The following ZFYVE1 variants were observed in gnomAD, a reference collection of about 807,000 sequenced individuals.
ZFYVE1 encodes the protein zinc finger FYVE domain-containing protein 1.
ZFYVE1 carries 30 observed loss-of-function variants against 74.4 expected under a neutral mutation model. The observed-to-expected ratio is 0.40, with a 90% CI of 0.30 to 0.55. The LOEUF is 0.55. Ranked by LOEUF, ZFYVE1 falls within the 20% of genes least tolerant of loss-of-function variation. The pLI, the probability that ZFYVE1 is intolerant of heterozygous loss-of-function variation, is 0.42. For synonymous variants in ZFYVE1, 335 were observed against 385.1 expected, an observed-to-expected ratio of 0.87 and a Z score of 1.52; for missense variants, 703 against 1,011.6, an observed-to-expected ratio of 0.69 and a Z score of 4.14.
chr14:73,010,910 T>C (rs890045233), intron 2 of ZFYVE1, among the ~76,000 whole-genome samples: 3 of 151,824 alleles, frequency 2.0e-5, no homozygotes, highest in Non-Finnish European at 4.4e-5. Flanking sequence ...GTGTGTTACG[T>C]GGATACTGCA....
chr14:72,998,024 T>C lies in ZFYVE1; in HGVS notation c.775A>G (p.Ile259Val), dbSNP rs1346555354. 10 of 1,613,930 alleles carry C rather than the reference T, an allele frequency of 6.2e-6. No individual in the cohort carries two copies. In the Middle Eastern group the frequency reaches 6.6e-4, roughly 106 times the overall value. The change falls in exon 3 of 12, where the codon ATC becomes GTC. Residue 259 changes from isoleucine (I) to valine (V), a missense_variant. Physicochemically the swap from Ile to Val is conservative, Grantham distance 29 (BLOSUM62 3). Transcript: ENST00000556143. ...RTRLLLKVLAISDLVIYRTHA... is the reference protein window; with the variant it reads ...RTRLLLKVLAVSDLVIYRTHA... ...GTTCGATAGATGACGAGGTCTGAGA[T>C]GGCCAGGACCTTAAGCAGCAGCCGT...
chr14:72,980,955 A>C (rs554535391), intron 5 of ZFYVE1, among the ~76,000 whole-genome samples: 70 of 152,316 alleles, frequency 4.6e-4, no homozygotes, highest in African/African-American at 1.4e-3. Context: ...CCTGCCCTTC[A>C]GGTTTTTCTG....
chr14:72,997,188 T>G (rs1053975692), intron 3 of ZFYVE1, among the ~76,000 whole-genome samples: 7 of 152,170 alleles, frequency 4.6e-5, no homozygotes, highest in African/African-American at 1.7e-4. Context: ...ATCTACATTC[T>G]TCCCTCTCTA....
Position 72,992,626 on chromosome 14 carries a change from C to CG in ZFYVE1, c.1203+516_1203+517insC, listed in dbSNP as rs1456378680. 7.3e-5 allele frequency among the ~76,000 whole-genome samples: 8 copies of CG among 108,922 alleles called. 1 individual carries two copies. Among genetic ancestry groups the CG allele is most frequent in the Non-Finnish European group, 1.4e-4 (7 of 49,074 alleles). 71.5% of individuals were successfully genotyped at this position (108,922 alleles called of 152,430 possible). On this transcript the variant is annotated intron_variant, in intron 4 of 11. Coordinates refer to ENST00000556143, the MANE Select transcript of ZFYVE1 (RefSeq NM_021260.4). ...GGTCCCATTCAGGTGCCCCCCCCGC[C>CG]CCTTGCAAGAGAGAGAGAGCTGTTC...
At chr14:72,999,554 C>A (rs1192281788) in intron 2 of ZFYVE1, among the ~76,000 whole-genome samples, 2 of 149,082 alleles carry the variant, frequency 1.3e-5, no homozygotes, top group Admixed American at 6.7e-5. Flanking sequence ...GACTGGATGA[C>A]AAAGTAAGAC....
chr14:72,985,318 A>G (rs1054617790), intron 4 of ZFYVE1, among the ~76,000 whole-genome samples: 3 of 140,606 alleles, frequency 2.1e-5, no homozygotes, highest in Non-Finnish European at 4.6e-5. Flanking sequence ...ACCATGCCCC[A>G]ATAATTTTTG....
intron 2 of ZFYVE1, among the ~76,000 whole-genome samples, chr14:73,023,348 TAATA>T (rs1894378579): frequency 1.4e-5 from 1 of 71,610 alleles, no homozygotes; most frequent in East Asian, 2.7e-4. Context: ...GTTTTATATA[TAATA>T]TATATTATAT....
rs573758988 is a variant in ZFYVE1, at chr14:73,010,453, T to A, written c.484-12138A>T. Among the ~76,000 whole-genome samples, 576 of 152,106 alleles carry A rather than the reference T, an allele frequency of 3.8e-3. 3 individuals carry two copies. The highest frequency in any genetic ancestry group is 5.7e-3 in the Non-Finnish European group (389 of 67,992). The stretch of plus-strand genomic sequence containing the variant: ...CCCTTCTCTACTAAAAATACAAAAT[T>A]AGCTGGCTGTGGTGGCACATGCTTG... On this transcript the variant is annotated intron_variant, in intron 2 of 11. Coordinates refer to ENST00000556143, the MANE Select transcript of ZFYVE1 (RefSeq NM_021260.4).
Position 72,978,210 on chromosome 14 carries a change from C to A in ZFYVE1, c.1444G>T (p.Val482Phe). Residue 482 changes from valine (V) to phenylalanine (F), a missense_variant, in exon 7 of 12, where the codon GTC becomes TTC. By Grantham distance (50) the Val-to-Phe change is conservative. Transcript: ENST00000556143. The stretch of plus-strand genomic sequence containing the variant: ...GCAGATGTTTTGGGCACTACACTGA[C>A]TTCCTCGCCTCTCTCATAGCAGGCC... ...CKACYERGEEVSVVPKTSAST... is the reference protein window; with the variant it reads ...CKACYERGEEFSVVPKTSAST... The A allele has an allele frequency of 6.2e-7, 1 of 1,614,058 alleles. No individual in the cohort carries two copies. Among genetic ancestry groups the A allele is most frequent in the Non-Finnish European group, 8.5e-7 (1 of 1,179,936 alleles).
chr14:72,975,561 G>A lies in ZFYVE1; in HGVS notation c.1796C>T (p.Ser599Phe). Residue 599 changes from serine to phenylalanine, a missense_variant, in exon 9 of 12, where the codon TCC becomes TTC. Physicochemically the swap from Ser to Phe is radical, Grantham distance 155. Transcript: ENST00000556143. The surrounding 1 kb of genome is among the most constrained non-coding windows in gnomAD (Gnocchi z 4.1). ...CCTGGCACACCATACCAGAATCTGG[G>A]AGTTGGGCCTCCAGTAGGCAGGGGC... ...QIAPAYWRPN[S>F]QILSCNKCAT... The A allele has an allele frequency of 6.2e-7, 1 of 1,612,566 alleles. No homozygotes were observed. The highest frequency in any genetic ancestry group is 2.2e-5 in the East Asian group (1 of 44,866).
At chr14:72,999,279 T>C (rs928556302) in intron 2 of ZFYVE1, among the ~76,000 whole-genome samples, 3 of 151,932 alleles carry the variant, frequency 2.0e-5, no homozygotes, top group African/African-American at 7.3e-5. Context: ...AATACAAAAT[T>C]AGCTGGGCAT....
rs369521657 is a variant in ZFYVE1 at position 72,980,544 on chromosome 14, T to A, written c.1310+1245A>T. Reference sequence around the variant, plus strand: ...TCACCTGAGAATTAATTAATTTATTTATTTATTTATTTATTTATTTATTTA... The same window carrying A: ...TCACCTGAGAATTAATTAATTTATTAATTTATTTATTTATTTATTTATTTA... On this transcript the variant is annotated intron_variant, in intron 5 of 11. Coordinates refer to ENST00000556143, the MANE Select transcript of ZFYVE1 (RefSeq NM_021260.4). Among the ~76,000 whole-genome samples the A allele has an allele frequency of 5.9e-3, 582 of 99,080 alleles. 4 individuals carry two copies. Among genetic ancestry groups the A allele is most frequent in the African/African-American group, 0.01 (347 of 34,014 alleles). The allele number at this position is 99,080 out of a possible 152,430, so 65.0% of individuals were successfully genotyped here.
intron 2 of ZFYVE1, among the ~76,000 whole-genome samples, chr14:73,008,841 C>G (rs1189085903): frequency 6.6e-6 from 1 of 152,196 alleles, no homozygotes; most frequent in Non-Finnish European, 1.5e-5. Flanking sequence ...AAGGACTTAA[C>G]AGTAAAAGCT....
intron 2 of ZFYVE1, among the ~76,000 whole-genome samples, chr14:73,011,227 G>C (rs1409757615): frequency 6.6e-6 from 1 of 151,360 alleles, no homozygotes; most frequent in Non-Finnish European, 1.5e-5. Context: ...GCTCACACCT[G>C]TAATCCCAGC....
chr14:72,971,153 A>G lies in ZFYVE1; in HGVS notation c.2102-39T>C, dbSNP rs558917835. 59 of 1,608,538 alleles carry G rather than the reference A, an allele frequency of 3.7e-5. No homozygotes were observed. In the South Asian group the frequency reaches 5.8e-4, roughly 16 times the overall value. On this transcript the variant is annotated intron_variant, in intron 11 of 11. Transcript: ENST00000556143. Reference sequence around the variant, plus strand: ...CAATGGTCAGGGCACCCAAAGCCCAATACCCCGAGGCCCAACTAGCAAGAG... The same window carrying G: ...CAATGGTCAGGGCACCCAAAGCCCAGTACCCCGAGGCCCAACTAGCAAGAG...
intron 11 of ZFYVE1, among the ~76,000 whole-genome samples, chr14:72,973,421 G>A (rs536367880): frequency 2.0e-5 from 3 of 152,132 alleles, no homozygotes; most frequent in Non-Finnish European, 2.9e-5. Flanking sequence ...CCTGGAAGGC[G>A]GAGGTTGCAG....
intron 2 of ZFYVE1, among the ~76,000 whole-genome samples, chr14:73,015,139 G>A (rs917679731): frequency 6.6e-6 from 1 of 150,550 alleles, no homozygotes; most frequent in Non-Finnish European, 1.5e-5. Flanking sequence ...GCTGAGGCAG[G>A]AGAATTGCAC....
Position 72,978,180 on chromosome 14 carries a change from T to G in ZFYVE1, c.1474A>C (p.Thr492Pro). ...GCGAGACCCATCCAGGGGGAGTCAG[T>G]GGAAGCAGATGTTTTGGGCACTACA... Reference protein sequence around the residue: ...VSVVPKTSASTDSPWMGLAKY... With the variant: ...VSVVPKTSASPDSPWMGLAKY... The change falls in exon 7 of 12, where the codon ACT (threonine) becomes CCT (proline). Residue 492 changes from threonine (T) to proline (P), a missense_variant. Transcript: ENST00000556143. 6.2e-7 allele frequency: 1 copy of G among 1,614,186 alleles called. No homozygotes were observed. Among genetic ancestry groups the G allele is most frequent in the Non-Finnish European group, 8.5e-7 (1 of 1,180,032 alleles).
intron 4 of ZFYVE1, chr14:72,986,812 G>A (rs1594839824): frequency 2.2e-6 from 2 of 920,196 alleles, no homozygotes; most frequent in East Asian, 1.2e-4. Context: ...TTACAGGCGT[G>A]AGCCACTGCG....
Sources: allele counts gnomAD v4.1 joint callset (sites outside exome capture counted in the v4.1 genomes callset), GRCh38; gene constraint gnomAD v4.1.1; non-coding constraint Gnocchi (gnomAD v3.1); transcripts MANE v1.5; gene names NCBI Gene and HGNC (gene_info 2026-07-23, HGNC 2026-07-21).